Variants in LNX1 observed in about 807,000 individuals in gnomAD.
LNX1 encodes the protein ligand of numb-protein X 1.
In LNX1, 54 loss-of-function variants were observed where a neutral mutation model predicts 68.4. That is an observed-to-expected ratio of 0.79 (90% CI 0.63 to 0.99). The LOEUF is 0.99. Ranked by LOEUF, LNX1 falls within the 50% of genes least tolerant of loss-of-function variation. The pLI, the probability that LNX1 is intolerant of heterozygous loss-of-function variation, is 0.00. For missense variants in LNX1, 906 were observed against 926.4 expected, an observed-to-expected ratio of 0.98 and a Z score of 0.29; for synonymous variants, 336 against 350.0, an observed-to-expected ratio of 0.96 and a Z score of 0.45.
chr4:53,466,831 G>A (rs930761066), intron 9 of LNX1, among the ~76,000 whole-genome samples: 1 of 152,238 alleles, frequency 6.6e-6, no homozygotes, highest in African/African-American at 2.4e-5. Context: ...AAGTGGCCTG[G>A]AAGCTCAAAC....
chr4:53,509,120 C>T (rs553110041), intron 2 of LNX1, among the ~76,000 whole-genome samples: 24 of 152,278 alleles, frequency 1.6e-4, no homozygotes, highest in Non-Finnish European at 1.0e-4. Context: ...CATTGCAGCG[C>T]ACAGGCTAGG....
At chr4:53,570,695 T>TAAATAAAG (rs1266726046) in intron 2 of LNX1, among the ~76,000 whole-genome samples, 2 of 149,832 alleles carry the variant, frequency 1.3e-5, no homozygotes, top group East Asian at 3.9e-4. Flanking sequence ...AATAAATAAA[T>TAAATAAAG]AAAAGAAAAA....
At chr4:53,507,602 T>G (rs1725989720) in intron 3 of LNX1, 133 bp from the exon 4 acceptor site, 1 of 1,042,774 alleles carries the variant, frequency 9.6e-7, no homozygotes, top group Non-Finnish European at 1.4e-6. Flanking sequence ...TAGAATTTGC[T>G]TACCTGTATT....
chr4:53,471,506 G>T (rs1019397174), intron 9 of LNX1, among the ~76,000 whole-genome samples: 17 of 152,126 alleles, frequency 1.1e-4, no homozygotes, highest in Non-Finnish European at 2.1e-4. Flanking sequence ...CTAATTAAAT[G>T]AAAGAGCTTC....
intron 2 of LNX1, chr4:53,558,002 T>C (rs781665612): frequency 5.0e-6 from 8 of 1,612,130 alleles, no homozygotes; most frequent in African/African-American, 4.0e-5. Context: ...CTGGCCACCT[T>C]CTGTCAGCTA....
intron 2 of LNX1, among the ~76,000 whole-genome samples, chr4:53,508,663 C>T (rs756435993): frequency 6.6e-6 from 1 of 152,206 alleles, no homozygotes; most frequent in Non-Finnish European, 1.5e-5. Flanking sequence ...AAATATAAAG[C>T]TCCTCCCAGA....
intron 2 of LNX1, among the ~76,000 whole-genome samples, chr4:53,548,571 T>G (rs1422835612): frequency 2.0e-5 from 3 of 152,190 alleles, no homozygotes; most frequent in Admixed American, 2.0e-4. Flanking sequence ...TATACACTGT[T>G]GGCAGGAGTG....
At chr4:53,539,329 G>A (rs1179445138) in intron 2 of LNX1, 1 of 152,192 alleles carries the variant, frequency 6.6e-6, no homozygotes, top group Non-Finnish European at 1.5e-5. Context: ...TGTTTGGGCT[G>A]ATAAAAATGC....
Position 53,460,555 on chromosome 4 carries a change from G to A in LNX1, c.*352C>T, listed in dbSNP as rs1051178044. ...GCTGTAAATTAAAAATGGCCATAAT[G>A]TACCCTTGGCAGACTTCAGCATATA... is the stretch of plus-strand genomic sequence containing the variant. On this transcript the variant is annotated 3_prime_UTR_variant, in exon 11 of 11. Transcript: ENST00000263925. 1.4e-5 allele frequency: 3 copies of A among 220,550 alleles called. No homozygotes were observed. The highest frequency in any genetic ancestry group is 4.5e-5 in the African/African-American group (2 of 44,308). 13.7% of individuals were successfully genotyped at this position (220,550 alleles called of 1,614,324 possible).
intron 1 of LNX1, chr4:53,575,866 C>G: frequency 6.3e-7 from 1 of 1,589,720 alleles, no homozygotes; most frequent in Non-Finnish European, 8.6e-7. Flanking sequence ...TAGAAAGTTG[C>G]TGAAGTTTGT....
upstream of LNX1, chr4:53,593,001 A>T (rs1041092083): frequency 6.6e-6 from 1 of 152,158 alleles, no homozygotes; most frequent in Non-Finnish European, 1.5e-5. Flanking sequence ...GTGCCTTTTG[A>T]GAGTTGAAGG....
At chr4:53,521,213 C>A (rs1294042267) in intron 2 of LNX1, among the ~76,000 whole-genome samples, 5 of 152,110 alleles carry the variant, frequency 3.3e-5, no homozygotes, top group African/African-American at 1.2e-4. Context: ...TTTTCAGCTG[C>A]CTGTGATGAG....
At chr4:53,593,772 G>A (rs1388086941), upstream of LNX1, 3 of 152,016 alleles carry the variant, frequency 2.0e-5, no homozygotes, top group African/African-American at 7.3e-5. Flanking sequence ...GTGTTTAACA[G>A]GTGCTACTTA....
chr4:53,465,700 A>G (rs10028142), intron 9 of LNX1, among the ~76,000 whole-genome samples: 84,494 of 152,120 alleles, frequency 0.56, 25,323 homozygotes, highest in Non-Finnish European at 0.67. Context: ...TTTAAATTGT[A>G]CATACACTAA....
At chr4:53,640,906 G>A (rs1448045449) in intron 1 of LNX1, among the ~76,000 whole-genome samples, 1 of 152,214 alleles carries the variant, frequency 6.6e-6, no homozygotes, top group South Asian at 2.1e-4. Flanking sequence ...GACAGTCTTT[G>A]TTTTTCTCAG....
intron 2 of LNX1, among the ~76,000 whole-genome samples, chr4:53,562,981 C>A (rs375765646): frequency 1.3e-5 from 2 of 152,110 alleles, no homozygotes; most frequent in South Asian, 4.1e-4. Flanking sequence ...GAGGCCGAGA[C>A]GGATCACGAG....
chr4:53,642,285 C>T (rs1191757663), intron 1 of LNX1, among the ~76,000 whole-genome samples: 1 of 145,682 alleles, frequency 6.9e-6, no homozygotes, highest in East Asian at 2.1e-4. Context: ...TTTTGAAGTT[C>T]TTGGGATATT....
In LNX1 at chr4:53,507,366, G is replaced by A. The variant is rs1725970945; in HGVS notation, c.726C>T (p.Asn242=). Residue 242 remains asparagine, a synonymous_variant, in exon 4 of 11, where the codon AAC becomes AAT. Coordinates refer to ENST00000263925, the MANE Select transcript of LNX1 (RefSeq NM_001126328.3). ...AATTTTCCCTGCCCTGGTCGGCATG[G>A]TTGGCAACTGCACTCCCGCTCTTTG... The part of the protein sequence containing the change: ...RRTKSGSAVA[N]HADQGRENSE... 2 of 1,613,998 alleles carry A rather than the reference G, an allele frequency of 1.2e-6. No homozygotes were observed. The highest frequency in any genetic ancestry group is 1.7e-6 in the Non-Finnish European group (2 of 1,180,016).
Position 53,460,973 on chromosome 4 carries a change from T to G in LNX1, c.2121A>C (p.Arg707Ser). The change falls in exon 11 of 11, where the codon AGA (arginine) becomes AGC (serine). Residue 707 changes from arginine to serine, a missense_variant. Arg to Ser is a moderately radical substitution (Grantham distance 110). Coordinates refer to ENST00000263925, the MANE Select transcript of LNX1 (RefSeq NM_001126328.3). Reference protein sequence around the residue: ...TSGMIHACLARLLKELKGRIT... With the variant: ...TSGMIHACLASLLKELKGRIT... ...TTCTTCCTTTAAGTTCTTTCAGCAGTCTTGCCAAGCAAGCATGTATCATTC... is the reference window on the plus strand; with the variant it reads ...TTCTTCCTTTAAGTTCTTTCAGCAGGCTTGCCAAGCAAGCATGTATCATTC... 6.2e-7 allele frequency: 1 copy of G among 1,610,506 alleles called. No homozygotes were observed. Among genetic ancestry groups the G allele is most frequent in the Non-Finnish European group, 8.5e-7 (1 of 1,178,302 alleles).
Sources: gnomAD v4.1 joint callset for allele counts (sites outside exome capture counted in the v4.1 genomes callset) on GRCh38, gnomAD v4.1.1 for gene constraint, MANE v1.5 for transcripts, NCBI Gene and HGNC (gene_info 2026-07-23, HGNC 2026-07-21) for gene names.